ZNF385D: variants seen among roughly 807,000 people sequenced by gnomAD.
The protein encoded by ZNF385D is zinc finger protein 385D, also known as zinc finger protein 659.
Under a neutral mutation model 35.8 loss-of-function variants are expected in ZNF385D, and 15 were observed. That is an observed-to-expected ratio of 0.42 (90% CI 0.28 to 0.64). The LOEUF is 0.64. ZNF385D is among the 30% of genes least tolerant of loss of function. The pLI, the probability that ZNF385D is intolerant of heterozygous loss-of-function variation, is 0.23. For missense variants in ZNF385D, 474 were observed against 494.6 expected, an observed-to-expected ratio of 0.96 and a Z score of 0.39; for synonymous variants, 212 against 186.8, an observed-to-expected ratio of 1.13 and a Z score of -1.10.
chr3:22,305,516 T>C (rs1360514203), intron 2 of ZNF385D, among the ~76,000 whole-genome samples: 1 of 152,160 alleles, frequency 6.6e-6, no homozygotes, highest in Non-Finnish European at 1.5e-5. Context: ...CTCTGCTTCA[T>C]GTCATCTTCC....
intron 3 of ZNF385D, among the ~76,000 whole-genome samples, chr3:21,787,516 T>C (rs1281594113): frequency 6.6e-6 from 1 of 151,948 alleles, no homozygotes; most frequent in East Asian, 1.9e-4. Context: ...CACTGTCCTA[T>C]GGAAGAGTAG....
At chr3:21,508,957 C>A (rs1015848196) in intron 4 of ZNF385D, among the ~76,000 whole-genome samples, 3 of 147,356 alleles carry the variant, frequency 2.0e-5, no homozygotes, top group African/African-American at 7.5e-5. Flanking sequence ...ACAGAGACAA[C>A]ACACCTGGGG....
At chr3:21,474,339 C>T (rs1203725132) in intron 4 of ZNF385D, among the ~76,000 whole-genome samples, 1 of 152,104 alleles carries the variant, frequency 6.6e-6, no homozygotes, top group Non-Finnish European at 1.5e-5. Flanking sequence ...ACCATGAAGA[C>T]TATGTGTCTA....
At chr3:22,371,516 T>C (rs1868676) in intron 2 of ZNF385D, among the ~76,000 whole-genome samples, 116,819 of 152,084 alleles carry the variant, frequency 0.77, 45,307 homozygotes, top group South Asian at 0.87. Context: ...GCTAAAGCAC[T>C]CATCAGCACA....
intron 3 of ZNF385D, among the ~76,000 whole-genome samples, chr3:22,141,291 GC>G (rs1704490843): frequency 6.6e-6 from 1 of 151,850 alleles, no homozygotes; most frequent in Admixed American, 6.6e-5. Flanking sequence ...AAATTAGCTG[GC>G]AAGACTAGTT....
In ZNF385D at chr3:22,106,262, C is replaced by G. The variant is rs781629014; in HGVS notation, c.325+62555G>C. 2.9e-4 allele frequency among the ~76,000 whole-genome samples: 44 copies of G among 152,214 alleles called. No individual in the cohort carries two copies. In the Middle Eastern group the frequency reaches 0.01, roughly 35 times the overall value. ...AATCAGGTTTTTCCCAGTAACAAAC[C>G]TATGCCCTTAACACATAGTATCTAT... On this transcript the variant is annotated intron_variant, in intron 3 of 5. Coordinates refer to the ZNF385D transcript ENST00000494108.
At chr3:21,676,120 G>C (rs183954416) in intron 1 of ZNF385D, among the ~76,000 whole-genome samples, 132 of 152,176 alleles carry the variant, frequency 8.7e-4, no homozygotes, top group Middle Eastern at 3.4e-3. Context: ...AATTTATTAA[G>C]AACAGTGAAT....
intron 2 of ZNF385D, among the ~76,000 whole-genome samples, chr3:21,612,332 T>G (rs1261422409): frequency 6.6e-6 from 1 of 152,102 alleles, no homozygotes; most frequent in Non-Finnish European, 1.5e-5. Context: ...ACTCCTGACC[T>G]CGTGATCTGC....
At chr3:21,752,383 G>A (rs1326504798), upstream of ZNF385D, among the ~76,000 whole-genome samples, 1 of 151,860 alleles carries the variant, frequency 6.6e-6, no homozygotes, top group African/African-American at 2.4e-5. Context: ...TTTTAATCTG[G>A]GCTTTTATAA....
rs576832648 is a variant in ZNF385D, at chr3:21,921,423, G to A, written c.325+247394C>T. Among the ~76,000 whole-genome samples the A allele has an allele frequency of 3.2e-3, 493 of 152,108 alleles. 4 individuals carry two copies. Among genetic ancestry groups the A allele is most frequent in the African/African-American group, 0.011 (462 of 41,488 alleles). On this transcript the variant is annotated intron_variant, in intron 3 of 5. Transcript: ENST00000494108. ...TAAGAGGTATATAATCCATTTGTTCGTGCACCTATGACAAGATATGTCACA... is the reference window on the plus strand; with the variant it reads ...TAAGAGGTATATAATCCATTTGTTCATGCACCTATGACAAGATATGTCACA...
At position 21,449,212 on chromosome 3, in the gene ZNF385D, G is replaced by A. The variant is rs112376409; in HGVS notation, c.440-12009C>T. Among the ~76,000 whole-genome samples the A allele has an allele frequency of 1.7e-3, 250 of 150,686 alleles. 1 individual carries two copies. Among genetic ancestry groups the A allele is most frequent in the Middle Eastern group, 6.9e-3 (2 of 290 alleles). ...AGAATTAATCTCAAAATAAATCTGT[G>A]TTATCTCTGAAACCATCTATACTGG... is the stretch of plus-strand genomic sequence containing the variant. On this transcript the variant is annotated intron_variant, in intron 4 of 7. Transcript: ENST00000281523.
At chr3:21,993,908 C>G (rs1022821301) in intron 3 of ZNF385D, among the ~76,000 whole-genome samples, 1 of 152,090 alleles carries the variant, frequency 6.6e-6, no homozygotes, top group Admixed American at 6.5e-5. Context: ...TTTCCAATGC[C>G]AAACCAAGCA....
intron 3 of ZNF385D, among the ~76,000 whole-genome samples, chr3:22,057,138 C>A (rs1008886988): frequency 9.2e-5 from 14 of 152,330 alleles, no homozygotes; most frequent in African/African-American, 2.6e-4. Context: ...GTTTAAAACT[C>A]AGGCTTTAGA....
chr3:22,006,867 G>C (rs976787568), intron 3 of ZNF385D, among the ~76,000 whole-genome samples: 3 of 151,890 alleles, frequency 2.0e-5, no homozygotes, highest in African/African-American at 4.8e-5. Flanking sequence ...AACCAACAGA[G>C]AGACATCAGA....
At chr3:21,545,492 GGTATACACTCCT>G (rs2062339623) in intron 3 of ZNF385D, among the ~76,000 whole-genome samples, 1 of 152,120 alleles carries the variant, frequency 6.6e-6, no homozygotes. Context: ...TAATAAATAA[GGTATACACTCCT>G]GTGATCAGAA....
chr3:22,104,796 T>C lies in ZNF385D; in HGVS notation c.325+64021A>G, dbSNP rs115587321. Among the ~76,000 whole-genome samples the C allele has an allele frequency of 6.0e-3, 912 of 152,276 alleles. 9 individuals carry two copies. Among genetic ancestry groups the C allele is most frequent in the African/African-American group, 0.021 (866 of 41,570 alleles). Reference sequence around the variant, plus strand: ...ATGAATCATATTCTGTGCCACGAAGTATACTACCTGAAAGTCCATTGTCTG... The same window carrying C: ...ATGAATCATATTCTGTGCCACGAAGCATACTACCTGAAAGTCCATTGTCTG... On this transcript the variant is annotated intron_variant, in intron 3 of 5. Transcript: ENST00000494108.
chr3:21,607,190 A>AAT (rs553279547), intron 2 of ZNF385D, among the ~76,000 whole-genome samples: 4 of 152,140 alleles, frequency 2.6e-5, no homozygotes, highest in East Asian at 1.9e-4. Context: ...TACACATACA[A>AAT]ATATATATAT....
At chr3:21,785,134 A>C (rs1314304127) in intron 3 of ZNF385D, among the ~76,000 whole-genome samples, 1 of 152,136 alleles carries the variant, frequency 6.6e-6, no homozygotes. Flanking sequence ...GGAGGATAAA[A>C]GCTTTTTAAT....
At chr3:22,246,847 G>A (rs2125322729) in intron 2 of ZNF385D, among the ~76,000 whole-genome samples, 1 of 152,128 alleles carries the variant, frequency 6.6e-6, no homozygotes, top group South Asian at 2.1e-4. Context: ...TAGAAATTCT[G>A]ATTCTAATTA....
Sources: allele counts gnomAD v4.1 joint callset (sites outside exome capture counted in the v4.1 genomes callset), GRCh38; gene constraint gnomAD v4.1.1; transcripts MANE v1.5; gene names NCBI Gene and HGNC (gene_info 2026-07-23, HGNC 2026-07-21).